The following TMEM67 variants were observed in gnomAD, a reference collection of about 807,000 sequenced individuals.
TMEM67 encodes transmembrane protein 67.
In TMEM67, 124 loss-of-function variants were observed where a neutral mutation model predicts 136.6. That is an observed-to-expected ratio of 0.91 (90% CI 0.78 to 1.05). The LOEUF is 1.05. Ranked by LOEUF, TMEM67 falls within the 50% of genes least tolerant of loss-of-function variation. The probability of loss-of-function intolerance (pLI) is 0.00; values close to 1 mark genes in which losing one functional copy is unlikely to be tolerated. For synonymous variants in TMEM67, 364 were observed against 390.5 expected (o/e 0.93, Z 0.80); for missense variants, 1,107 against 1,178.4 (o/e 0.94, Z 0.89).
At chr8:93,803,821 GATAATT>G in intron 22 of TMEM67, 137 bp downstream of exon 22, 1 of 655,778 alleles carries the variant, frequency 1.5e-6, no homozygotes, top group Non-Finnish European at 2.8e-6. Flanking sequence ...TAATTCCAGA[GATAATT>G]ATAATGAGCT....
intron 23 of TMEM67, among the ~76,000 whole-genome samples, chr8:93,807,700 A>G (rs1006781333): frequency 6.6e-6 from 1 of 152,026 alleles, no homozygotes; most frequent in African/African-American, 2.4e-5. Flanking sequence ...AATTTTTTAA[A>G]TAGAGAAGTT....
chr8:93,786,014 CA>C (rs1012602461), intron 12 of TMEM67, among the ~76,000 whole-genome samples: 1 of 152,028 alleles, frequency 6.6e-6, no homozygotes, highest in African/African-American at 2.4e-5. Flanking sequence ...AGAATGCATG[CA>C]GTGAGCCATG....
chr8:93,805,026 G>A (rs773834638), intron 23 of TMEM67, 148 bp downstream of exon 23: 1 of 579,790 alleles, frequency 1.7e-6, no homozygotes, highest in Non-Finnish European at 3.1e-6. Flanking sequence ...AGGCTGGAGT[G>A]CAGTGGCGCA....
At chr8:93,782,861 C>T (rs905297066) in intron 11 of TMEM67, among the ~76,000 whole-genome samples, 5 of 152,036 alleles carry the variant, frequency 3.3e-5, no homozygotes, top group Admixed American at 1.3e-4. Context: ...AGGCATGAGC[C>T]ACCGTGCCTG....
chr8:93,754,985 C>T lies in TMEM67; in HGVS notation c.71C>T (p.Ala24Val), dbSNP rs1342314335. 1.9e-6 allele frequency: 3 copies of T among 1,614,206 alleles called. No individual in the cohort carries two copies. The East Asian group carries it at 6.7e-5, about 36-fold the overall frequency. ...WSLLSARAVT[A>V]FLLLFLPRFL... Reference sequence around the variant, plus strand: ...CTCTTATCCGCCCGGGCCGTGACCGCGTTCCTTCTGTTGTTCCTCCCTCGC... The same window carrying T: ...CTCTTATCCGCCCGGGCCGTGACCGTGTTCCTTCTGTTGTTCCTCCCTCGC... Residue 24 changes from alanine to valine, a missense_variant, in exon 1 of 28, where the codon GCG becomes GTG. Coordinates refer to ENST00000453321, the MANE Select transcript of TMEM67 (RefSeq NM_153704.6).
At chr8:93,769,448 G>A (rs966952985) in intron 6 of TMEM67, 6 of 165,950 alleles carry the variant, frequency 3.6e-5, no homozygotes, top group Admixed American at 2.6e-4. Flanking sequence ...CTCATCTGTC[G>A]CGGCTCAGAC....
intron 12 of TMEM67, 111 bp downstream of exon 12, chr8:93,785,489 C>A: frequency 8.7e-7 from 1 of 1,148,954 alleles, no homozygotes; most frequent in East Asian, 2.4e-5. Context: ...TGAATTCTCT[C>A]TTATGTGGTT....
At chr8:93,793,955 A>G (rs559327127) in intron 16 of TMEM67, among the ~76,000 whole-genome samples, 31 of 152,114 alleles carry the variant, frequency 2.0e-4, no homozygotes, top group Non-Finnish European at 3.8e-4. Flanking sequence ...CAGAGGCACA[A>G]TCTTGGTTCA....
At chr8:93,797,864 C>G (rs1586071784) in intron 20 of TMEM67, among the ~76,000 whole-genome samples, 1 of 152,172 alleles carries the variant, frequency 6.6e-6, no homozygotes. Context: ...TGCCTATAAT[C>G]CCAGCTGCTC....
chr8:93,827,515 A>G, the TMEM67 span, among the ~76,000 whole-genome samples: 1 of 151,904 alleles, frequency 6.6e-6, no homozygotes, highest in Non-Finnish European at 1.5e-5. Context: ...CTCCTGCCTC[A>G]GCCTCCTGAA....
intron 26 of TMEM67, among the ~76,000 whole-genome samples, chr8:93,815,101 A>G (rs535202455): frequency 6.6e-6 from 1 of 152,308 alleles, no homozygotes; most frequent in South Asian, 2.1e-4. Flanking sequence ...TGCTTTTTAG[A>G]AGTTTTTATG....
At chr8:93,772,285 TAA>T (rs1813359796) in intron 6 of TMEM67, among the ~76,000 whole-genome samples, 1 of 152,256 alleles carries the variant, frequency 6.6e-6, no homozygotes, top group South Asian at 2.1e-4. Flanking sequence ...CACTCAATAC[TAA>T]GTCAGGATCT....
intron 26 of TMEM67, among the ~76,000 whole-genome samples, chr8:93,812,393 G>A (rs1289208267): frequency 6.6e-6 from 1 of 152,130 alleles, no homozygotes; most frequent in Non-Finnish European, 1.5e-5. Context: ...CAAGGCAGGC[G>A]GTCACTTGAC....
intron 20 of TMEM67, among the ~76,000 whole-genome samples, chr8:93,797,711 G>C (rs959783805): frequency 6.6e-6 from 1 of 152,184 alleles, no homozygotes; most frequent in African/African-American, 2.4e-5. Flanking sequence ...GCCAGGCACA[G>C]TGGCTCATGC....
intron 6 of TMEM67, among the ~76,000 whole-genome samples, chr8:93,771,719 G>T (rs1446626673): frequency 6.6e-6 from 1 of 152,076 alleles, no homozygotes; most frequent in Non-Finnish European, 1.5e-5. Flanking sequence ...ATTGTATGTG[G>T]CTCCATTTTA....
At chr8:93,768,939 AT>A (rs1329172250) in intron 6 of TMEM67, among the ~76,000 whole-genome samples, 1 of 151,968 alleles carries the variant, frequency 6.6e-6, no homozygotes, top group African/African-American at 2.4e-5. Flanking sequence ...AACATACCAG[AT>A]TTTTTTAAAA....
intron 7 of TMEM67, among the ~76,000 whole-genome samples, chr8:93,776,860 G>T (rs1020975530): frequency 6.6e-6 from 1 of 152,144 alleles, no homozygotes; most frequent in Non-Finnish European, 1.5e-5. Context: ...GATGATGCTG[G>T]CCTCATAAAA....
At chr8:93,781,632 T>G (rs1207561208) in intron 9 of TMEM67, 26 bp from the exon 10 acceptor site, 1 of 1,204,124 alleles carries the variant, frequency 8.3e-7, no homozygotes, top group Admixed American at 1.8e-5. Context: ...GTATTTGACC[T>G]GATTTTGCTC....
rs778155804 is a variant in TMEM67, at chr8:93,797,234, GTAA to G, written c.1960+2_1960+4del. ...GGAAAGGTTCTTAAAGCTGTTGAAGGTAACTGAAATAAAAAATATTTGTACCAA... is the reference window on the plus strand; with the variant it reads ...GGAAAGGTTCTTAAAGCTGTTGAAGGCTGAAATAAAAAATATTTGTACCAA... On this transcript the variant is annotated splice_donor_variant and splice_donor_region_variant and intron_variant, in intron 19 of 27. Coordinates refer to ENST00000453321, the MANE Select transcript of TMEM67 (RefSeq NM_153704.6). LOFTEE classifies it high-confidence loss of function. 6.2e-7 allele frequency: 1 copy of G among 1,611,914 alleles called. No homozygotes were observed. The highest frequency in any genetic ancestry group is 1.7e-5 in the Admixed American group (1 of 60,018).
Sources: allele counts gnomAD v4.1 joint callset (sites outside exome capture counted in the v4.1 genomes callset), GRCh38; gene constraint gnomAD v4.1.1; transcripts MANE v1.5; gene names NCBI Gene and HGNC (gene_info 2026-07-23, HGNC 2026-07-21).